Variants in ADAMTS17 observed in about 807,000 individuals in gnomAD.
ADAMTS17 encodes the protein ADAM metallopeptidase with thrombospondin type 1 motif 17.
A neutral mutation model predicts 141.5 loss-of-function variants in ADAMTS17; 113 were observed. The ratio of observed to expected loss-of-function variants is 0.80; its 90% CI spans 0.69 to 0.93. The LOEUF is 0.93. Among genes scored for constraint, ADAMTS17 ranks in the 40% least tolerant of loss-of-function variants. The probability of loss-of-function intolerance (pLI) is 0.00; values close to 1 mark genes in which losing one functional copy is unlikely to be tolerated. For synonymous variants in ADAMTS17, 768 were observed against 630.6 expected (o/e 1.22, Z -3.27); for missense variants, 1,659 against 1,517.9 (o/e 1.09, Z -1.54).
chr15:100,120,048 G>A (rs994925604), intron 12 of ADAMTS17, among the ~76,000 whole-genome samples: 8 of 152,188 alleles, frequency 5.3e-5, no homozygotes, highest in African/African-American at 1.9e-4. Flanking sequence ...TTGCACAGGA[G>A]GGTCTCCAAT....
intron 12 of ADAMTS17, 42 bp from the exon 13 acceptor site, chr15:100,117,055 C>T (rs1433163679): frequency 4.5e-6 from 7 of 1,561,062 alleles, no homozygotes; most frequent in Non-Finnish European, 6.1e-6. Context: ...GGTGGTGCGA[C>T]CAAAGGGCAG....
intron 12 of ADAMTS17, among the ~76,000 whole-genome samples, chr15:100,122,345 A>C (rs1448485910): frequency 1.3e-5 from 2 of 152,244 alleles, no homozygotes; most frequent in African/African-American, 2.4e-5. Flanking sequence ...ATTTTGAACG[A>C]CATGAGAAAG....
intron 15 of ADAMTS17, among the ~76,000 whole-genome samples, chr15:100,063,132 A>G (rs747394532): frequency 1.3e-5 from 2 of 152,242 alleles, no homozygotes; most frequent in African/African-American, 2.4e-5. Context: ...ACCCAAGTCT[A>G]CGGAAAGATG....
rs781774740 is a variant in ADAMTS17 at position 100,051,651 on chromosome 15, G to A, written c.2376C>T (p.Ser792=). The change falls in exon 17 of 22, where the codon AGC becomes AGT. Residue 792 remains serine (S), a synonymous_variant. Transcript: ENST00000268070. The stretch of plus-strand genomic sequence containing the variant: ...AAGAGTCCTGCGGTTTTTCTGGTTC[G>A]CTTTGATTTTCCGCAGTGCGGTTTA... The part of the protein sequence containing the change: ...VPVNRTAENQ[S]EPEKPQDSLF... The A allele has an allele frequency of 3.0e-5, 49 of 1,614,036 alleles. No homozygotes were observed. The highest frequency in any genetic ancestry group is 3.6e-5 in the Non-Finnish European group (42 of 1,180,040).
At chr15:99,999,257 C>T (rs143149821) in intron 18 of ADAMTS17, among the ~76,000 whole-genome samples, 14 of 152,294 alleles carry the variant, frequency 9.2e-5, no homozygotes, top group Non-Finnish European at 1.9e-4. Flanking sequence ...ATATATATCA[C>T]CATAGCATCT....
At position 99,974,367 on chromosome 15, in the gene ADAMTS17, G is replaced by C. The variant is rs773998391; in HGVS notation, c.*35C>G. 4.3e-6 allele frequency: 7 copies of C among 1,613,556 alleles called. No homozygotes were observed. In the Admixed American group the frequency reaches 1.0e-4, roughly 23 times the overall value. On this transcript the variant is annotated 3_prime_UTR_variant, in exon 22 of 22. Transcript: ENST00000268070. Reference sequence around the variant, plus strand: ...TTGCGGGTGGGTGGGTTTCAGACCTGAGTCTGAGCTTTGAGCGACCCTTGG... The same window carrying C: ...TTGCGGGTGGGTGGGTTTCAGACCTCAGTCTGAGCTTTGAGCGACCCTTGG...
intron 7 of ADAMTS17, among the ~76,000 whole-genome samples, chr15:100,230,112 C>T (rs1451534430): frequency 6.6e-6 from 1 of 152,218 alleles, no homozygotes; most frequent in Non-Finnish European, 1.5e-5. Flanking sequence ...TTAAACATAA[C>T]CAGGGGCATA....
chr15:100,051,729 C>T lies in ADAMTS17; in HGVS notation c.2298G>A (p.Val766=). Residue 766 remains valine (V), a splice_region_variant and synonymous_variant, in exon 17 of 22, where the codon GTG becomes GTA. Coordinates refer to ENST00000268070, the MANE Select transcript of ADAMTS17 (RefSeq NM_139057.4). ...GPTKLPLHLM[V]LLFHDQDYGI... is the part of the protein sequence containing the mutation. ...CATAATCTTGGTCGTGAAATAACAA[C>T]ACCTGGATCAGCCGCAAAACAAAAG... The T allele has an allele frequency of 6.2e-7, 1 of 1,614,178 alleles. No homozygotes were observed. The highest frequency in any genetic ancestry group is 8.5e-7 in the Non-Finnish European group (1 of 1,180,036).
chr15:100,105,995 G>T (rs891590588), intron 14 of ADAMTS17, among the ~76,000 whole-genome samples: 10 of 140,542 alleles, frequency 7.1e-5, no homozygotes, highest in African/African-American at 2.6e-4. Context: ...CTGGCCTCAA[G>T]AAAATGATTT....
intron 18 of ADAMTS17, among the ~76,000 whole-genome samples, chr15:100,009,131 C>A (rs753539721): frequency 6.6e-6 from 1 of 152,124 alleles, no homozygotes; most frequent in Admixed American, 6.6e-5. Context: ...TGAGCCACTG[C>A]GCCTGGCATA....
intron 3 of ADAMTS17, among the ~76,000 whole-genome samples, chr15:100,315,954 C>T (rs1354309562): frequency 6.6e-6 from 1 of 152,228 alleles, no homozygotes; most frequent in African/African-American, 2.4e-5. Context: ...TCACTTTGGC[C>T]AAGCCTTGAA....
At chr15:100,265,589 G>A (rs1475814566) in intron 4 of ADAMTS17, among the ~76,000 whole-genome samples, 2 of 152,198 alleles carry the variant, frequency 1.3e-5, no homozygotes, top group South Asian at 4.1e-4. Context: ...GGGAGGGGCA[G>A]ACAGGTACCA....
At chr15:100,109,253 A>ACG in intron 13 of ADAMTS17, 137 bp from the exon 14 acceptor site, 1 of 1,055,464 alleles carries the variant, frequency 9.5e-7, no homozygotes, top group Non-Finnish European at 1.4e-6. Flanking sequence ...GAGCTCAGGT[A>ACG]CGCGCTCCAG....
chr15:100,017,414 T>C (rs1567679868), intron 18 of ADAMTS17, among the ~76,000 whole-genome samples: 1 of 152,214 alleles, frequency 6.6e-6, no homozygotes, highest in African/African-American at 2.4e-5. Context: ...TATTACATAG[T>C]TCAGCTGGAG....
chr15:100,242,028 C>T (rs2042843049), intron 7 of ADAMTS17, among the ~76,000 whole-genome samples: 1 of 152,168 alleles, frequency 6.6e-6, no homozygotes, highest in Admixed American at 6.5e-5. Context: ...AACTCAGAGC[C>T]AACCTGAGAT....
At chr15:100,027,790 A>G (rs1006862975) in intron 18 of ADAMTS17, among the ~76,000 whole-genome samples, 12 of 152,230 alleles carry the variant, frequency 7.9e-5, no homozygotes, top group African/African-American at 2.2e-4. Context: ...CTCGAAGGAT[A>G]GTTTAGCTAG....
chr15:100,123,158 G>A (rs145939708), intron 12 of ADAMTS17, among the ~76,000 whole-genome samples: 106 of 152,290 alleles, frequency 7.0e-4, no homozygotes, highest in African/African-American at 2.5e-3. Flanking sequence ...GACAGTGTGC[G>A]GGGCCAGCGA....
At chr15:100,262,087 A>G (rs527562566) in intron 5 of ADAMTS17, among the ~76,000 whole-genome samples, 4 of 152,282 alleles carry the variant, frequency 2.6e-5, no homozygotes, top group Middle Eastern at 3.4e-3. Flanking sequence ...CAAGCTTTGC[A>G]CTATCCTAGA....
At chr15:100,323,706 C>T (rs933217493) in intron 3 of ADAMTS17, among the ~76,000 whole-genome samples, 2 of 151,914 alleles carry the variant, frequency 1.3e-5, no homozygotes, top group African/African-American at 4.8e-5. Context: ...GGTTAATAGA[C>T]AAAACTCTGC....
Sources: gnomAD v4.1 joint callset for allele counts (sites outside exome capture counted in the v4.1 genomes callset) on GRCh38, gnomAD v4.1.1 for gene constraint, MANE v1.5 for transcripts, NCBI Gene and HGNC (gene_info 2026-07-23, HGNC 2026-07-21) for gene names.